CHN2: variants seen among roughly 807,000 people sequenced by gnomAD.
CHN2 encodes chimerin 2, also known as beta-chimaerin.
Under a neutral mutation model 56.3 loss-of-function variants are expected in CHN2, and 35 were observed. The observed-to-expected ratio is 0.62, with a 90% CI of 0.47 to 0.82. The LOEUF is 0.82. Among genes scored for constraint, CHN2 ranks in the 40% least tolerant of loss-of-function variants. The pLI, the probability that CHN2 is intolerant of heterozygous loss-of-function variation, is 0.00. For missense variants in CHN2, 491 were observed against 580.5 expected, an observed-to-expected ratio of 0.85 and a Z score of 1.58; for synonymous variants, 210 against 212.8, an observed-to-expected ratio of 0.99 and a Z score of 0.12.
intron 3 of CHN2, among the ~76,000 whole-genome samples, chr7:29,381,207 T>G (rs1279247815): frequency 6.6e-6 from 1 of 152,024 alleles, no homozygotes; most frequent in African/African-American, 2.4e-5. Context: ...CTGGCCCTGG[T>G]TGGGAGGTCA....
At chr7:29,248,906 C>T (rs1179476159) in intron 1 of CHN2, among the ~76,000 whole-genome samples, 1 of 152,148 alleles carries the variant, frequency 6.6e-6, no homozygotes, top group Admixed American at 6.5e-5. Flanking sequence ...CCCTGTGTGC[C>T]CTCTCTCATC....
intron 2 of CHN2, among the ~76,000 whole-genome samples, chr7:29,178,923 A>G (rs1418925154): frequency 2.0e-5 from 3 of 152,238 alleles, no homozygotes; most frequent in Non-Finnish European, 1.5e-5. Context: ...TAAAAAGAAC[A>G]CTAACACACC....
In CHN2 at chr7:29,513,803, C is replaced by G. The variant is rs1583470646; in HGVS notation, c.*1068C>G. ...GGTTTTTACCAAATATTTGTTCCTC[C>G]TTGACAAAAGTAGCTCTGTGTGGAT... On this transcript the variant is annotated 3_prime_UTR_variant, in exon 13 of 13. Transcript: ENST00000222792. The G allele has an allele frequency of 6.6e-6, 1 of 152,592 alleles. No individual in the cohort carries two copies. The highest frequency in any genetic ancestry group is 2.4e-5 in the African/African-American group (1 of 41,408). The allele number at this position is 152,592 out of a possible 1,614,324, so 9.5% of individuals were successfully genotyped here.
At chr7:29,477,111 C>A (rs1187495603) in intron 6 of CHN2, among the ~76,000 whole-genome samples, 1 of 152,082 alleles carries the variant, frequency 6.6e-6, no homozygotes, top group Non-Finnish European at 1.5e-5. Flanking sequence ...GAGAAGTTTT[C>A]GCCAAGAGAT....
At chr7:29,414,292 T>A (rs1803524444) in intron 6 of CHN2, among the ~76,000 whole-genome samples, 1 of 152,124 alleles carries the variant, frequency 6.6e-6, no homozygotes, top group South Asian at 2.1e-4. Flanking sequence ...GATTGTAAAA[T>A]GATATACATG....
chr7:29,236,370 G>A lies in CHN2; in HGVS notation c.49+41380G>A, dbSNP rs1414361329. Among the ~76,000 whole-genome samples, 3 of 152,336 alleles carry A rather than the reference G, an allele frequency of 2.0e-5. No individual in the cohort carries two copies. In the East Asian group the frequency reaches 5.8e-4, roughly 29 times the overall value. Reference sequence around the variant, plus strand: ...GAGATCATCCCAGGCCTGGTTTGAAGCCCATCTTTGTGACTCAGTAAATAC... The same window carrying A: ...GAGATCATCCCAGGCCTGGTTTGAAACCCATCTTTGTGACTCAGTAAATAC... On this transcript the variant is annotated intron_variant, in intron 1 of 12. Transcript: ENST00000222792.
At chr7:29,425,863 G>A (rs917545614) in intron 6 of CHN2, among the ~76,000 whole-genome samples, 8 of 152,118 alleles carry the variant, frequency 5.3e-5, no homozygotes, top group Admixed American at 4.6e-4. Context: ...CTTACAGGGT[G>A]TGTGCATGAA....
intron 2 of CHN2, chr7:29,148,355 A>G (rs976692484): frequency 1.3e-5 from 2 of 152,264 alleles, no homozygotes; most frequent in African/African-American, 2.4e-5. Context: ...ATTCAAAAAC[A>G]GGGTGTCCCA....
rs536779107 is a variant in CHN2 at position 29,170,676 on chromosome 7, A to C, written c.274+23716A>C. Among the ~76,000 whole-genome samples, 6 of 152,322 alleles carry C rather than the reference A, an allele frequency of 3.9e-5. No homozygotes were observed. The East Asian group carries it at 1.2e-3, about 29-fold the overall frequency. On this transcript the variant is annotated intron_variant, in intron 2 of 6. Transcript: ENST00000439384. Reference sequence around the variant, plus strand: ...TAATATCTAATCTCAGGCAAAAATGACTTACTGTATTAGTCTGTTTTCACA... The same window carrying C: ...TAATATCTAATCTCAGGCAAAAATGCCTTACTGTATTAGTCTGTTTTCACA...
intron 2 of CHN2, among the ~76,000 whole-genome samples, chr7:29,358,053 C>CATGA (rs1798440274): frequency 6.6e-6 from 1 of 152,120 alleles, no homozygotes; most frequent in South Asian, 2.1e-4. Context: ...CATATATTTA[C>CATGA]TAGAGACAGT....
intron 2 of CHN2, among the ~76,000 whole-genome samples, chr7:29,173,845 G>C (rs1403331448): frequency 6.6e-6 from 1 of 151,506 alleles, no homozygotes; most frequent in Non-Finnish European, 1.5e-5. Context: ...CATCTTACTT[G>C]GGGGGCTGAG....
intron 6 of CHN2, among the ~76,000 whole-genome samples, chr7:29,441,810 G>T (rs1196437519): frequency 6.6e-6 from 1 of 152,154 alleles, no homozygotes; most frequent in African/African-American, 2.4e-5. Context: ...GGAGAAATCA[G>T]AACCTTCATA....
At chr7:29,374,650 G>A (rs1799886494) in intron 3 of CHN2, among the ~76,000 whole-genome samples, 1 of 152,192 alleles carries the variant, frequency 6.6e-6, no homozygotes, top group African/African-American at 2.4e-5. Context: ...GTGAGCTGGA[G>A]AGGGCCACCA....
chr7:29,262,275 G>T (rs993493487), intron 1 of CHN2, among the ~76,000 whole-genome samples: 7 of 152,288 alleles, frequency 4.6e-5, no homozygotes, highest in African/African-American at 1.7e-4. Context: ...GAAAACTTCA[G>T]GTATTTGGAA....
At position 29,400,751 on chromosome 7, in the gene CHN2, T is replaced by C. The variant is rs751684386; in HGVS notation, c.499T>C (p.Ser167Pro). The change falls in exon 6 of 13, where the codon TCC (serine) becomes CCC (proline). Residue 167 changes from serine to proline, a missense_variant. By Grantham distance (74) the Ser-to-Pro change is moderately conservative (BLOSUM62 -1). Transcript: ENST00000222792. ...TGCCACCCTACTCAGAGAAAAAGTA[T>C]CCAGAAGGCTGAGCAGGTCTAAAAA... ...GYATLLREKV[S>P]RRLSRSKNEP... 5 of 1,614,076 alleles carry C rather than the reference T, an allele frequency of 3.1e-6. No homozygotes were observed. Among genetic ancestry groups the C allele is most frequent in the Non-Finnish European group, 4.2e-6 (5 of 1,179,998 alleles).
intron 2 of CHN2, among the ~76,000 whole-genome samples, chr7:29,170,826 C>T (rs1312206565): frequency 6.6e-6 from 1 of 152,156 alleles, no homozygotes; most frequent in Admixed American, 6.5e-5. Flanking sequence ...AGGAGCAAGT[C>T]ACATCTTATG....
intron 2 of CHN2, among the ~76,000 whole-genome samples, chr7:29,149,640 G>A (rs939698020): frequency 4.6e-5 from 7 of 152,156 alleles, no homozygotes; most frequent in African/African-American, 1.4e-4. Context: ...TCATAGTTCT[G>A]GAGGCTACAA....
At chr7:29,287,594 A>G (rs1273752806) in intron 1 of CHN2, among the ~76,000 whole-genome samples, 1 of 152,168 alleles carries the variant, frequency 6.6e-6, no homozygotes, top group Non-Finnish European at 1.5e-5. Context: ...GTTAGTCATC[A>G]TTTGAGCCCT....
In CHN2 at chr7:29,199,326, G is replaced by A. The variant is rs73684616; in HGVS notation, c.49+4336G>A. On this transcript the variant is annotated intron_variant, in intron 1 of 12. Transcript: ENST00000222792. Reference sequence around the variant, plus strand: ...TCTGCATCCAATACTACAAAACAGGGTATCTTACTGAAACAGACATTCTCA... The same window carrying A: ...TCTGCATCCAATACTACAAAACAGGATATCTTACTGAAACAGACATTCTCA... 9.1e-3 allele frequency among the ~76,000 whole-genome samples: 1,385 copies of A among 152,216 alleles called. 23 individuals are homozygous for A. Among genetic ancestry groups the A allele is most frequent in the African/African-American group, 0.032 (1,332 of 41,536 alleles).
Sources: allele counts gnomAD v4.1 joint callset (sites outside exome capture counted in the v4.1 genomes callset), GRCh38; gene constraint gnomAD v4.1.1; transcripts MANE v1.5; gene names NCBI Gene and HGNC (gene_info 2026-07-23, HGNC 2026-07-21).